PPP2R2A: variants seen among roughly 807,000 people sequenced by gnomAD.
PPP2R2A encodes the protein serine/threonine-protein phosphatase 2A 55 kDa regulatory subunit B alpha isoform.
PPP2R2A carries 9 observed loss-of-function variants against 53.2 expected under a neutral mutation model. The observed-to-expected ratio is 0.17, with a 90% CI of 0.10 to 0.30. The LOEUF is 0.30. Among genes scored for constraint, PPP2R2A ranks in the 10% least tolerant of loss-of-function variants. PPP2R2A has a pLI of 1.00. For missense variants in PPP2R2A, 235 were observed against 534.6 expected (o/e 0.44, Z 5.53); for synonymous variants, 169 against 174.2 (o/e 0.97, Z 0.23).
intron 3 of PPP2R2A, among the ~76,000 whole-genome samples, chr8:26,341,310 A>G (rs933539679): frequency 6.6e-6 from 1 of 152,182 alleles, no homozygotes; most frequent in Non-Finnish European, 1.5e-5. Flanking sequence ...TTGTCTTCAG[A>G]ATCTATGTCA....
chr8:26,354,608 T>G lies in PPP2R2A; in HGVS notation c.321T>G (p.Ala107=), dbSNP rs1804677854. 1 of 1,607,384 alleles carries G rather than the reference T, an allele frequency of 6.2e-7. No homozygotes were observed. The highest frequency in any genetic ancestry group is 1.3e-5 in the African/African-American group (1 of 74,620). The change falls in exon 4 of 10, where the codon GCT becomes GCG. Residue 107 remains alanine (A), a synonymous_variant. Coordinates refer to ENST00000380737, the MANE Select transcript of PPP2R2A (RefSeq NM_002717.4). This position sits in a 1 kb window ranked among gnomAD's most constrained non-coding sequence, Gnocchi z 4.6. ...TTAGGTGGTTACCCCAGAAAAATGC[T>G]GCTCAGTTTTTATTGTCTACCAATG... ...NKIRWLPQKN[A]AQFLLSTNDK...
At chr8:26,335,401 T>C (rs1803603175) in intron 2 of PPP2R2A, among the ~76,000 whole-genome samples, 2 of 152,216 alleles carry the variant, frequency 1.3e-5, no homozygotes, top group South Asian at 2.1e-4. Flanking sequence ...CACCATGACG[T>C]AGTGATATAT....
At chr8:26,353,924 A>G (rs1804643003) in intron 3 of PPP2R2A, among the ~76,000 whole-genome samples, 1 of 152,182 alleles carries the variant, frequency 6.6e-6, no homozygotes, top group African/African-American at 2.4e-5. Flanking sequence ...GGTAGGGGTC[A>G]AATGGTATCC....
chr8:26,307,735 A>G (rs538453438), intron 2 of PPP2R2A, among the ~76,000 whole-genome samples: 11 of 152,350 alleles, frequency 7.2e-5, no homozygotes, highest in South Asian at 2.1e-4. Context: ...TGAGCTGTCT[A>G]TAAGTGCTTT....
chr8:26,293,683 G>T lies in PPP2R2A; in HGVS notation c.25G>T (p.Asp9Tyr). 1 of 1,612,916 alleles carries T rather than the reference G, an allele frequency of 6.2e-7. No individual in the cohort carries two copies. The highest frequency in any genetic ancestry group is 8.5e-7 in the Non-Finnish European group (1 of 1,179,558). Reference protein sequence around the residue: MAGAGGGNDIQWCFSQVKG... With the variant: MAGAGGGNYIQWCFSQVKG... Reference sequence around the variant, plus strand: ...TTTTCCAGGAGCTGGAGGAGGGAATGATATTCAGTGGTGTTTTTCTCAGGT... The same window carrying T: ...TTTTCCAGGAGCTGGAGGAGGGAATTATATTCAGTGGTGTTTTTCTCAGGT... Residue 9 changes from aspartate (D) to tyrosine (Y), a missense_variant, in exon 2 of 10, where the codon GAT becomes TAT. By Grantham distance (160) the Asp-to-Tyr change is radical. Transcript: ENST00000380737.
chr8:26,360,074 T>A lies in PPP2R2A; in HGVS notation c.347-95T>A. The A allele has an allele frequency of 7.0e-6, 4 of 567,778 alleles. No individual in the cohort carries two copies. The highest frequency in any genetic ancestry group is 9.0e-6 in the Non-Finnish European group (3 of 335,180). The allele number at this position is 567,778 out of a possible 1,614,324, so 35.2% of individuals were successfully genotyped here. A position where few individuals can be genotyped will look rare whatever the true frequency, so the allele number is the denominator to read the frequency against. ...TAGGGTTTTTTTTTTTTTCGTGGAA[T>A]CCTTTTACGTGAAATGTGAAATAGC... is the stretch of plus-strand genomic sequence containing the variant. On this transcript the variant is annotated intron_variant, in intron 4 of 9. Transcript: ENST00000380737. The surrounding 1 kb of genome is among the most constrained non-coding windows in gnomAD (Gnocchi z 4.5).
chr8:26,337,055 T>C (rs796415562), intron 2 of PPP2R2A, among the ~76,000 whole-genome samples: 2 of 152,192 alleles, frequency 1.3e-5, no homozygotes, highest in African/African-American at 2.4e-5. Flanking sequence ...TGCAACAACT[T>C]GGACCTGGGA....
chr8:26,302,375 C>T (rs1355692262), intron 2 of PPP2R2A, among the ~76,000 whole-genome samples: 2 of 152,170 alleles, frequency 1.3e-5, no homozygotes, highest in Non-Finnish European at 2.9e-5. Context: ...GTCATATTAA[C>T]GAATGTGATT....
chr8:26,357,473 C>T (rs1360603000), intron 4 of PPP2R2A, among the ~76,000 whole-genome samples: 2 of 152,046 alleles, frequency 1.3e-5, no homozygotes, highest in African/African-American at 2.4e-5. Flanking sequence ...TCATAGTCAC[C>T]TTATAACTTG....
intron 3 of PPP2R2A, among the ~76,000 whole-genome samples, chr8:26,343,192 AAAT>A (rs1336622468): frequency 2.0e-5 from 3 of 151,822 alleles, no homozygotes; most frequent in Non-Finnish European, 4.4e-5. Flanking sequence ...AATAAAAAAT[AAAT>A]AAATAAAATA....
At position 26,359,444 on chromosome 8, in the gene PPP2R2A, A is replaced by G. The variant is rs144741713; in HGVS notation, c.347-725A>G. On this transcript the variant is annotated intron_variant, in intron 4 of 9. Coordinates refer to ENST00000380737, the MANE Select transcript of PPP2R2A (RefSeq NM_002717.4). ...ACAGAAGAAACTGGGTAAAGGATAT[A>G]TGGAACACTGCAATTCTTGTAACTT... 6.6e-3 allele frequency among the ~76,000 whole-genome samples: 998 copies of G among 152,340 alleles called. 12 individuals are homozygous for G. The highest frequency in any genetic ancestry group is 0.022 in the African/African-American group (935 of 41,586).
Position 26,372,028 on chromosome 8 carries a change from ATTG to A in PPP2R2A, c.*1618_*1620del, listed in dbSNP as rs140352197. The stretch of plus-strand genomic sequence containing the variant: ...CTGAGTGCTTCTATGTCCACTACCT[ATTG>A]TTCTATTCTTCAATAATGAAAAAGA... On this transcript the variant is annotated 3_prime_UTR_variant, in exon 10 of 10. Coordinates refer to ENST00000380737, the MANE Select transcript of PPP2R2A (RefSeq NM_002717.4). The A allele has an allele frequency of 6.6e-6, 1 of 152,278 alleles. No individual in the cohort carries two copies. Among genetic ancestry groups the A allele is most frequent in the Non-Finnish European group, 1.5e-5 (1 of 68,016 alleles). 9.4% of individuals were successfully genotyped at this position (152,278 alleles called of 1,614,324 possible).
chr8:26,318,762 A>G (rs1464890188), intron 2 of PPP2R2A, among the ~76,000 whole-genome samples: 1 of 152,214 alleles, frequency 6.6e-6, no homozygotes, highest in Non-Finnish European at 1.5e-5. Context: ...GATAGACAGA[A>G]CCTGGATATT....
In PPP2R2A at chr8:26,291,802, C is replaced by A; in HGVS notation, c.-18C>A. On this transcript the variant is annotated 5_prime_UTR_variant, in exon 1 of 10. Transcript: ENST00000380737. The stretch of plus-strand genomic sequence containing the variant: ...GAGACCCCGAGGAACCCAGCAGGGT[C>A]ACCATTTGCAGCGCAACATGGCAGG... 1.2e-6 allele frequency: 2 copies of A among 1,604,016 alleles called. No individual in the cohort carries two copies. The highest frequency in any genetic ancestry group is 1.7e-6 in the Non-Finnish European group (2 of 1,175,960).
chr8:26,340,428 C>A (rs1166097808), intron 3 of PPP2R2A, among the ~76,000 whole-genome samples: 1 of 151,744 alleles, frequency 6.6e-6, no homozygotes, highest in African/African-American at 2.4e-5. Flanking sequence ...TGTTCTCTGC[C>A]CTTGAATGTA....
chr8:26,369,971 A>G lies in PPP2R2A; in HGVS notation c.1065-163A>G, dbSNP rs561256378. On this transcript the variant is annotated intron_variant, in intron 9 of 9. Coordinates refer to ENST00000380737, the MANE Select transcript of PPP2R2A (RefSeq NM_002717.4). ...AGAAAACCCAGTTAATTAGTACCGTATTTCTGGTTTATTCTAGTGATTGAG... is the reference window on the plus strand; with the variant it reads ...AGAAAACCCAGTTAATTAGTACCGTGTTTCTGGTTTATTCTAGTGATTGAG... Among the ~76,000 whole-genome samples the G allele has an allele frequency of 5.3e-5, 8 of 152,318 alleles. 1 individual carries two copies. The South Asian group carries it at 1.7e-3, about 32-fold the overall frequency.
intron 3 of PPP2R2A, among the ~76,000 whole-genome samples, chr8:26,346,069 A>AT (rs1212393909): frequency 6.6e-6 from 1 of 151,510 alleles, no homozygotes; most frequent in African/African-American, 2.4e-5. Context: ...TGATGAAGTG[A>AT]TTTTTTTCTC....
intron 2 of PPP2R2A, among the ~76,000 whole-genome samples, chr8:26,301,519 G>T (rs968595462): frequency 1.3e-5 from 2 of 151,474 alleles, no homozygotes; most frequent in Non-Finnish European, 2.9e-5. Context: ...ATTTTTTTTT[G>T]TAGAGACAGA....
rs745492631 is a variant in PPP2R2A, at chr8:26,350,061, CTGTT to C, written c.181-4397_181-4394del. Among the ~76,000 whole-genome samples, 20 of 151,934 alleles carry C rather than the reference CTGTT, an allele frequency of 1.3e-4. No individual in the cohort carries two copies. In the East Asian group the frequency reaches 1.7e-3, roughly 13 times the overall value. On this transcript the variant is annotated intron_variant, in intron 3 of 9. Coordinates refer to ENST00000380737, the MANE Select transcript of PPP2R2A (RefSeq NM_002717.4). The stretch of plus-strand genomic sequence containing the variant: ...TGGGTATGAATTAAGTTTGTATTTA[CTGTT>C]TGTTTGTTTTTTTTTGAGACGAAGT...
Sources: gnomAD v4.1 joint callset for allele counts (sites outside exome capture counted in the v4.1 genomes callset) on GRCh38, gnomAD v4.1.1 for gene constraint, Gnocchi (gnomAD v3.1) non-coding constraint, MANE v1.5 for transcripts, NCBI Gene and HGNC (gene_info 2026-07-23, HGNC 2026-07-21) for gene names.